Variants in GNAQ observed in about 807,000 individuals in gnomAD.
GNAQ encodes G protein subunit alpha q.
In GNAQ, 8 loss-of-function variants were observed where a neutral mutation model predicts 43.9. The ratio of observed to expected loss-of-function variants is 0.18; its 90% CI spans 0.11 to 0.33. The LOEUF is 0.33. Among genes scored for constraint, GNAQ ranks in the 10% least tolerant of loss-of-function variants. The pLI is 1.00. For synonymous variants in GNAQ, 155 were observed against 170.7 expected (o/e 0.91, Z 0.71); for missense variants, 158 against 450.8 (o/e 0.35, Z 5.88).
chr9:78,004,427 G>A (rs895719233), intron 1 of GNAQ, among the ~76,000 whole-genome samples: 1 of 151,980 alleles, frequency 6.6e-6, no homozygotes, highest in African/African-American at 2.4e-5. Context: ...GAGAAATTCA[G>A]ACTCTCAGGT....
At chr9:77,888,844 G>A (rs762613061) in intron 2 of GNAQ, among the ~76,000 whole-genome samples, 26 of 152,098 alleles carry the variant, frequency 1.7e-4, no homozygotes, top group Non-Finnish European at 3.1e-4. Context: ...AGTGTCTGAC[G>A]CATCAAAGCA....
intron 2 of GNAQ, among the ~76,000 whole-genome samples, chr9:77,863,248 GAA>G (rs1827889901): frequency 8.1e-6 from 1 of 124,052 alleles, no homozygotes; most frequent in Non-Finnish European, 1.9e-5. Flanking sequence ...GGAAGGAAGA[GAA>G]AGAAGGAAAT....
chr9:77,857,798 G>T (rs182823210), intron 2 of GNAQ, among the ~76,000 whole-genome samples: 201 of 151,280 alleles, frequency 1.3e-3, no homozygotes, highest in African/African-American at 4.6e-3. Flanking sequence ...TTTTTTCAAG[G>T]CCATTTTCTT....
At position 77,780,595 on chromosome 9, in the gene GNAQ, T is replaced by C. The variant is rs1024281996; in HGVS notation, c.735+13868A>G. 3.3e-5 allele frequency among the ~76,000 whole-genome samples: 5 copies of C among 151,962 alleles called. 1 individual carries two copies. The highest frequency in any genetic ancestry group is 1.3e-4 in the Admixed American group (2 of 15,256). ...CATGGGGGTGCAGATCTCTCTGATA[T>C]AATAACTTCTCTTTGCTTTGGATAA... On this transcript the variant is annotated intron_variant, in intron 5 of 6. Coordinates refer to ENST00000286548, the MANE Select transcript of GNAQ (RefSeq NM_002072.5).
At chr9:77,870,086 G>A (rs960702651) in intron 2 of GNAQ, among the ~76,000 whole-genome samples, 3 of 152,096 alleles carry the variant, frequency 2.0e-5, no homozygotes, top group African/African-American at 7.2e-5. Context: ...TTTATCACCT[G>A]GTTCTTTTAA....
chr9:77,775,028 G>A (rs1304244149), intron 5 of GNAQ, among the ~76,000 whole-genome samples: 1 of 152,128 alleles, frequency 6.6e-6, no homozygotes, highest in Non-Finnish European at 1.5e-5. Context: ...AAAATCAGAT[G>A]CATGCTGTAC....
intron 1 of GNAQ, among the ~76,000 whole-genome samples, chr9:77,965,880 C>T (rs776528974): frequency 2.0e-5 from 3 of 150,082 alleles, no homozygotes; most frequent in Non-Finnish European, 4.4e-5. Flanking sequence ...ATAACCTATG[C>T]ATGAATGTTC....
intron 1 of GNAQ, among the ~76,000 whole-genome samples, chr9:77,972,996 G>A (rs1315963232): frequency 5.0e-5 from 6 of 119,656 alleles, no homozygotes; most frequent in Admixed American, 1.7e-4. Flanking sequence ...AAAAGGAGAA[G>A]ACATTTAAAA....
intron 3 of GNAQ, among the ~76,000 whole-genome samples, chr9:77,811,904 T>C (rs540250927): frequency 6.6e-6 from 1 of 152,108 alleles, no homozygotes; most frequent in East Asian, 1.9e-4. Context: ...AAACTGATTC[T>C]ACTCCCTTTG....
rs1825250175 is a variant in GNAQ, at chr9:77,717,861, T to C, written c.*3462A>G. The C allele has an allele frequency of 4.3e-6, 1 of 232,334 alleles. No individual in the cohort carries two copies. Among genetic ancestry groups the C allele is most frequent in the Non-Finnish European group, 8.5e-6 (1 of 117,616 alleles). The allele number at this position is 232,334 out of a possible 1,614,324, so 14.4% of individuals were successfully genotyped here. On this transcript the variant is annotated 3_prime_UTR_variant, in exon 7 of 7. Coordinates refer to ENST00000286548, the MANE Select transcript of GNAQ (RefSeq NM_002072.5). ...TATTCATGACATTCAACAGAGCTCT[T>C]TATATGGAAATGTTAAAAACAAAAA...
intron 1 of GNAQ, among the ~76,000 whole-genome samples, chr9:78,025,280 T>C (rs1334391459): frequency 6.6e-6 from 1 of 152,238 alleles, no homozygotes; most frequent in Non-Finnish European, 1.5e-5. Flanking sequence ...TCAAAGGTGA[T>C]TGTTGAACAA....
intron 1 of GNAQ, among the ~76,000 whole-genome samples, chr9:77,936,762 G>A (rs1300032902): frequency 6.6e-6 from 1 of 152,170 alleles, no homozygotes; most frequent in African/African-American, 2.4e-5. Flanking sequence ...ACCAAAAGCT[G>A]TAGCCTAACG....
intron 1 of GNAQ, among the ~76,000 whole-genome samples, chr9:78,002,460 C>T (rs371543422): frequency 6.6e-6 from 1 of 152,152 alleles, no homozygotes; most frequent in Non-Finnish European, 1.5e-5. Context: ...AGACAGTGGC[C>T]TCTCCCATTA....
intron 1 of GNAQ, among the ~76,000 whole-genome samples, chr9:77,969,465 G>A (rs1206105624): frequency 1.3e-5 from 2 of 152,116 alleles, no homozygotes; most frequent in Non-Finnish European, 2.9e-5. Flanking sequence ...AACATTTCCT[G>A]ACATGGAAGA....
At chr9:77,743,044 G>A (rs896130105) in intron 5 of GNAQ, among the ~76,000 whole-genome samples, 1 of 152,184 alleles carries the variant, frequency 6.6e-6, no homozygotes, top group Non-Finnish European at 1.5e-5. Flanking sequence ...TGGATCACAA[G>A]GTCAAGAGAT....
At chr9:77,739,605 G>A (rs1326606918) in intron 5 of GNAQ, among the ~76,000 whole-genome samples, 2 of 152,176 alleles carry the variant, frequency 1.3e-5, no homozygotes, top group Admixed American at 1.3e-4. Flanking sequence ...AAAATCAAAT[G>A]TCAGTTTCCC....
intron 2 of GNAQ, among the ~76,000 whole-genome samples, chr9:77,890,522 G>A (rs929177004): frequency 2.0e-5 from 3 of 152,256 alleles, no homozygotes; most frequent in East Asian, 1.9e-4. Context: ...TTGGAAGTTC[G>A]AGATCAGCCT....
In GNAQ at chr9:77,720,528, AAAG is replaced by A. The variant is rs1323013464; in HGVS notation, c.*792_*794del. On this transcript the variant is annotated 3_prime_UTR_variant, in exon 7 of 7. Coordinates refer to ENST00000286548, the MANE Select transcript of GNAQ (RefSeq NM_002072.5). ...GAAAGAGAGGGTAAGAAAAAGAAGC[AAAG>A]AAGGGAGGAAAGACAATGGCACGTG... 1 of 233,422 alleles carries A rather than the reference AAAG, an allele frequency of 4.3e-6. No individual in the cohort carries two copies. The highest frequency in any genetic ancestry group is 8.5e-6 in the Non-Finnish European group (1 of 117,972). 14.5% of individuals were successfully genotyped at this position (233,422 alleles called of 1,614,324 possible).
In GNAQ at chr9:78,018,616, T is replaced by C. The variant is rs541059438; in HGVS notation, c.136+12484A>G. On this transcript the variant is annotated intron_variant, in intron 1 of 6. Transcript: ENST00000286548. ...AACATTAAGTGGAAGAAAATAAACA[T>C]TTCTTCTCGACTCAAACTTGGACTG... 4.6e-5 allele frequency among the ~76,000 whole-genome samples: 7 copies of C among 152,254 alleles called. No homozygotes were observed. In the East Asian group the frequency reaches 1.4e-3, roughly 29 times the overall value.
Sources: allele counts gnomAD v4.1 joint callset (sites outside exome capture counted in the v4.1 genomes callset), GRCh38; gene constraint gnomAD v4.1.1; transcripts MANE v1.5; gene names NCBI Gene and HGNC (gene_info 2026-07-23, HGNC 2026-07-21).